MGAT4C: variants seen among roughly 807,000 people sequenced by gnomAD.
MGAT4C encodes alpha-1,3-mannosyl-glycoprotein 4-beta-N-acetylglucosaminyltransferase C.
Under a neutral mutation model 40.1 loss-of-function variants are expected in MGAT4C, and 19 were observed. That is an observed-to-expected ratio of 0.47 (90% confidence interval 0.33 to 0.70). MGAT4C has a LOEUF of 0.70. Ranked by LOEUF, MGAT4C falls within the 30% of genes least tolerant of loss-of-function variation. The pLI is 0.02. For synonymous variants in MGAT4C, 181 were observed against 187.1 expected (o/e 0.97, Z 0.27); for missense variants, 491 against 563.2 (o/e 0.87, Z 1.30).
chr12:86,684,847 T>C (rs555520158), intron 2 of MGAT4C, among the ~76,000 whole-genome samples: 6 of 152,248 alleles, frequency 3.9e-5, no homozygotes, highest in African/African-American at 1.4e-4. Context: ...TTGAGAAGTG[T>C]CTGTTCATAT....
chr12:86,423,648 A>C (rs1449629226), intron 3 of MGAT4C, among the ~76,000 whole-genome samples: 2 of 152,136 alleles, frequency 1.3e-5, no homozygotes, highest in Admixed American at 6.5e-5. Flanking sequence ...ACTGGAAATG[A>C]CTCATGGTAG....
chr12:86,133,706 T>G (rs745999039), intron 1 of MGAT4C, among the ~76,000 whole-genome samples: 1 of 152,132 alleles, frequency 6.6e-6, no homozygotes, highest in Non-Finnish European at 1.5e-5. Context: ...CAATTTACAA[T>G]GAAAAACAGT....
chr12:86,767,782 T>C (rs1204484910), intron 1 of MGAT4C, among the ~76,000 whole-genome samples: 2 of 152,152 alleles, frequency 1.3e-5, no homozygotes, highest in Non-Finnish European at 2.9e-5. Flanking sequence ...ATTATCTCAA[T>C]AGATGCAGAA....
chr12:86,244,359 G>A (rs1951925733), intron 1 of MGAT4C, among the ~76,000 whole-genome samples: 1 of 152,136 alleles, frequency 6.6e-6, no homozygotes, highest in Admixed American at 6.6e-5. Flanking sequence ...ATTAGTGAAG[G>A]GGTGGGTTTC....
At chr12:86,001,587 G>A (rs913810326) in intron 2 of MGAT4C, 3 of 964,962 alleles carry the variant, frequency 3.1e-6, no homozygotes, top group Non-Finnish European at 3.7e-6. Context: ...TAAGTCTGTT[G>A]AAGCACAGTG....
At chr12:86,214,003 A>G (rs961495308) in intron 1 of MGAT4C, among the ~76,000 whole-genome samples, 1 of 152,214 alleles carries the variant, frequency 6.6e-6, no homozygotes. Context: ...GTCTTGTTGC[A>G]TCACTCTTTA....
At chr12:86,654,876 T>C (rs2136540078) in intron 2 of MGAT4C, among the ~76,000 whole-genome samples, 2 of 152,066 alleles carry the variant, frequency 1.3e-5, no homozygotes, top group African/African-American at 4.8e-5. Context: ...AGATCATCAA[T>C]TACTAGAACT....
intron 2 of MGAT4C, among the ~76,000 whole-genome samples, chr12:86,440,384 A>T (rs1957205439): frequency 6.6e-6 from 1 of 152,062 alleles, no homozygotes; most frequent in African/African-American, 2.4e-5. Flanking sequence ...AAACCATATG[A>T]TAATCTCAAT....
chr12:86,620,127 A>G (rs1962589991), intron 2 of MGAT4C, among the ~76,000 whole-genome samples: 1 of 152,182 alleles, frequency 6.6e-6, no homozygotes. Flanking sequence ...GTAAATTACT[A>G]CAACCTCTAT....
In MGAT4C at chr12:86,471,161, T is replaced by C. The variant is rs187992075; in HGVS notation, c.-228-35896A>G. ...GGAAATAACTAACACCAGGGGGAAA[T>C]ATGAACCTTCAGGAATAAAGAAAGA... On this transcript the variant is annotated intron_variant, in intron 2 of 7. Coordinates refer to the MGAT4C transcript ENST00000548651. 1.9e-3 allele frequency among the ~76,000 whole-genome samples: 294 copies of C among 152,094 alleles called. 1 individual carries two copies. Among genetic ancestry groups the C allele is most frequent in the Admixed American group, 3.5e-3 (53 of 15,262 alleles).
At chr12:86,603,750 A>ATATAGTATATATAGTATAATTATATATAC (rs1961925226) in intron 2 of MGAT4C, among the ~76,000 whole-genome samples, 1 of 129,562 alleles carries the variant, frequency 7.7e-6, no homozygotes, top group South Asian at 2.2e-4. Context: ...ACTATATATT[A>ATATAGTATATATAGTATAATTATATATAC]TATATAATAT....
chr12:86,227,601 A>G (rs925397724), intron 1 of MGAT4C, among the ~76,000 whole-genome samples: 4 of 151,984 alleles, frequency 2.6e-5, no homozygotes, highest in African/African-American at 9.7e-5. Context: ...TGCTAAATAT[A>G]GTTATTCTCA....
At chr12:86,217,016 G>T (rs1950697929) in intron 1 of MGAT4C, among the ~76,000 whole-genome samples, 1 of 152,024 alleles carries the variant, frequency 6.6e-6, no homozygotes, top group Admixed American at 6.6e-5. Context: ...CTATGTGAAA[G>T]ATTTCCTCCC....
At chr12:86,031,558 A>G (rs561345045) in intron 2 of MGAT4C, among the ~76,000 whole-genome samples, 1 of 151,934 alleles carries the variant, frequency 6.6e-6, no homozygotes, top group African/African-American at 2.4e-5. Flanking sequence ...ACATGAAAAT[A>G]GGAATTTTAT....
intron 1 of MGAT4C, among the ~76,000 whole-genome samples, chr12:86,765,973 A>C (rs1014137952): frequency 6.6e-6 from 1 of 152,190 alleles, no homozygotes. Context: ...TGAGTAAAAT[A>C]ACCAGCTAAC....
intron 4 of MGAT4C, among the ~76,000 whole-genome samples, chr12:86,279,014 A>T (rs1448904163): frequency 9.7e-6 from 1 of 102,962 alleles, no homozygotes; most frequent in African/African-American, 3.2e-5. Flanking sequence ...GATCATAAGG[A>T]ATGATTTTTT....
intron 4 of MGAT4C, among the ~76,000 whole-genome samples, chr12:86,272,869 A>C (rs79490081): frequency 1.3e-5 from 2 of 152,094 alleles, no homozygotes; most frequent in Non-Finnish European, 2.9e-5. Context: ...ATAAATAAAT[A>C]AATTAAATTA....
At position 86,187,656 on chromosome 12, in the gene MGAT4C, C is replaced by G. The variant is rs193091628; in HGVS notation, c.-57+68583G>C. Among the ~76,000 whole-genome samples, 474 of 151,572 alleles carry G rather than the reference C, an allele frequency of 3.1e-3. 3 individuals carry two copies. The highest frequency in any genetic ancestry group is 0.011 in the African/African-American group (452 of 41,362). The stretch of plus-strand genomic sequence containing the variant: ...TAGTTCATTGTTACTAAAAAAGGGC[C>G]TATAACGGGCAAATAAGCAGAAAAA... On this transcript the variant is annotated intron_variant, in intron 1 of 4. Coordinates refer to ENST00000611864, the MANE Select transcript of MGAT4C (RefSeq NM_001351288.2).
chr12:86,836,823 T>A (rs1377906256), intron 1 of MGAT4C, among the ~76,000 whole-genome samples: 1 of 152,168 alleles, frequency 6.6e-6, no homozygotes, highest in Admixed American at 6.5e-5. Context: ...TATTTCATTA[T>A]CCATTGGTAT....
Sources: allele counts gnomAD v4.1 joint callset (sites outside exome capture counted in the v4.1 genomes callset), GRCh38; gene constraint gnomAD v4.1.1; transcripts MANE v1.5; gene names NCBI Gene and HGNC (gene_info 2026-07-23, HGNC 2026-07-21).